MYO16: variants seen among roughly 807,000 people sequenced by gnomAD.
The protein encoded by MYO16 is unconventional myosin-XVI.
A neutral mutation model predicts 205.3 loss-of-function variants in MYO16; 94 were observed. The ratio of observed to expected loss-of-function variants is 0.46; its 90% CI spans 0.39 to 0.54. The LOEUF is 0.54. MYO16 is among the 20% of genes least tolerant of loss of function. MYO16 has a pLI of 0.00. For missense variants in MYO16, 2,315 were observed against 2,387.5 expected, an observed-to-expected ratio of 0.97 and a Z score of 0.63; for synonymous variants, 988 against 954.0, an observed-to-expected ratio of 1.04 and a Z score of -0.66.
intron 12 of MYO16, among the ~76,000 whole-genome samples, chr13:108,879,099 C>T (rs867118820): frequency 1.3e-4 from 20 of 152,198 alleles, no homozygotes; most frequent in African/African-American, 4.3e-4. Flanking sequence ...ATTATCAACA[C>T]TCCAGAAGTC....
chr13:108,963,098 C>T (rs1192912289), intron 19 of MYO16, among the ~76,000 whole-genome samples: 1 of 152,244 alleles, frequency 6.6e-6, no homozygotes, highest in East Asian at 1.9e-4. Flanking sequence ...CTCTATGCTA[C>T]ATGCATCTCT....
intron 16 of MYO16, among the ~76,000 whole-genome samples, chr13:108,913,672 A>G (rs993649742): frequency 1.3e-5 from 2 of 152,256 alleles, no homozygotes; most frequent in African/African-American, 4.8e-5. Context: ...TAAAATGCTC[A>G]ATACCATATG....
the MYO16 span, among the ~76,000 whole-genome samples, chr13:108,538,422 C>T: frequency 6.6e-6 from 1 of 151,994 alleles, no homozygotes; most frequent in Non-Finnish European, 1.5e-5. Context: ...TTATTAGTGA[C>T]TTCATCAAGA....
chr13:108,517,418 A>C, the MYO16 span, among the ~76,000 whole-genome samples: 1 of 152,228 alleles, frequency 6.6e-6, no homozygotes, highest in Non-Finnish European at 1.5e-5. Flanking sequence ...ACAAGAGGAA[A>C]TTTATTAGGG....
At chr13:108,814,600 C>T (rs373910) in intron 7 of MYO16, among the ~76,000 whole-genome samples, 3,704 of 152,218 alleles carry the variant, frequency 0.024, 145 homozygotes, top group African/African-American at 0.081. Flanking sequence ...CTTTCTTTAG[C>T]AAATGATATA....
chr13:109,035,859 C>G (rs1886698631), intron 23 of MYO16, among the ~76,000 whole-genome samples: 1 of 152,166 alleles, frequency 6.6e-6, no homozygotes. Flanking sequence ...TCCAACTTAA[C>G]TGGGGAGCAA....
At chr13:108,796,963 G>A (rs890932340) in intron 6 of MYO16, among the ~76,000 whole-genome samples, 5 of 151,886 alleles carry the variant, frequency 3.3e-5, no homozygotes, top group African/African-American at 1.2e-4. Context: ...AAAAAGAACT[G>A]ACTGAAAAGG....
In MYO16 at chr13:109,052,328, G is replaced by T. The variant is rs762837452; in HGVS notation, c.2901G>T (p.Leu967Phe). The T allele has an allele frequency of 6.8e-6, 11 of 1,612,982 alleles. No homozygotes were observed. Among genetic ancestry groups the T allele is most frequent in the Non-Finnish European group, 9.3e-6 (11 of 1,179,406 alleles). The stretch of plus-strand genomic sequence containing the variant: ...GTGAAAATGTCGTGATCAATCATTT[G>T]TTCCAGTCGAAATTGTCACAAACAG... ...KTSENVVINH[L>F]FQSKLSQTGS... The change falls in exon 25 of 35, where the codon TTG becomes TTT. Residue 967 changes from leucine (L) to phenylalanine (F), a missense_variant. This residue lies in a region of MYO16 where 1,213 missense variants were observed against 1,274.4 expected (regional missense o/e 0.95). Coordinates refer to ENST00000457511, the MANE Select transcript of MYO16 (RefSeq NM_001198950.3).
chr13:108,965,569 G>T (rs1056065207), intron 20 of MYO16, among the ~76,000 whole-genome samples: 1 of 152,008 alleles, frequency 6.6e-6, no homozygotes, highest in Non-Finnish European at 1.5e-5. Flanking sequence ...ACCACACCCG[G>T]CTAATTTTGT....
intron 31 of MYO16, among the ~76,000 whole-genome samples, chr13:109,132,277 C>A (rs1594111985): frequency 6.6e-6 from 1 of 152,186 alleles, no homozygotes; most frequent in African/African-American, 2.4e-5. Flanking sequence ...CACACTCACC[C>A]TCCCTTCAGA....
chr13:109,094,251 T>C (rs1021472573), intron 27 of MYO16, among the ~76,000 whole-genome samples: 18 of 152,208 alleles, frequency 1.2e-4, no homozygotes, highest in African/African-American at 4.3e-4. Context: ...GTTTCTGTCA[T>C]CCAGGCTGGA....
chr13:108,526,702 T>C, the MYO16 span, among the ~76,000 whole-genome samples: 3 of 152,236 alleles, frequency 2.0e-5, no homozygotes, highest in Admixed American at 6.5e-5. Flanking sequence ...TTTCCATTTA[T>C]TCCTCAACCT....
In MYO16 at chr13:109,175,704, C is replaced by T. The variant is rs575338800; in HGVS notation, c.5324-3838C>T. On this transcript the variant is annotated intron_variant, in intron 33 of 34. Coordinates refer to ENST00000457511, the MANE Select transcript of MYO16 (RefSeq NM_001198950.3). ...GCCTGGTCTGGGGAGAAGGCTGCTA[C>T]AGTAAGAGGAGCAGTGGGGGCTTCT... Among the ~76,000 whole-genome samples, 4 of 152,204 alleles carry T rather than the reference C, an allele frequency of 2.6e-5. No individual in the cohort carries two copies. The South Asian group carries it at 8.3e-4, about 32-fold the overall frequency.
At chr13:109,014,227 C>G (rs1885723530) in intron 22 of MYO16, among the ~76,000 whole-genome samples, 1 of 152,136 alleles carries the variant, frequency 6.6e-6, no homozygotes, top group Non-Finnish European at 1.5e-5. Context: ...ATAGGGAATC[C>G]TTTCCCCATT....
intron 11 of MYO16, among the ~76,000 whole-genome samples, chr13:108,862,921 C>T (rs767455585): frequency 5.3e-5 from 8 of 151,940 alleles, no homozygotes; most frequent in Non-Finnish European, 1.0e-4. Context: ...ATTAAATTTG[C>T]TTATTGGCGT....
chr13:109,164,353 TC>T (rs567268985), intron 32 of MYO16, among the ~76,000 whole-genome samples: 1,660 of 152,340 alleles, frequency 0.011, 14 homozygotes, highest in Non-Finnish European at 0.014. Flanking sequence ...TTCGTACCTC[TC>T]AAAACACTTA....
At chr13:108,832,904 T>C (rs1234951008) in intron 9 of MYO16, among the ~76,000 whole-genome samples, 5 of 152,166 alleles carry the variant, frequency 3.3e-5, no homozygotes, top group Non-Finnish European at 5.9e-5. Flanking sequence ...AACCTGTCAA[T>C]AAGTTCCTTA....
At chr13:108,578,663 C>T in the MYO16 span, among the ~76,000 whole-genome samples, 1 of 152,144 alleles carries the variant, frequency 6.6e-6, no homozygotes, top group Non-Finnish European at 1.5e-5. Flanking sequence ...GGAAAAACAA[C>T]CTGGCATCCT....
chr13:108,846,182 C>T (rs1877510393), intron 10 of MYO16, among the ~76,000 whole-genome samples: 1 of 152,070 alleles, frequency 6.6e-6, no homozygotes, highest in South Asian at 2.1e-4. Context: ...GTCTAGCACC[C>T]TCTTACTCCT....
Sources: gnomAD v4.1 joint callset for allele counts (sites outside exome capture counted in the v4.1 genomes callset) on GRCh38, gnomAD v4.1.1 for gene constraint, gnomAD v4.1.1 regional missense constraint, MANE v1.5 for transcripts, NCBI Gene and HGNC (gene_info 2026-07-23, HGNC 2026-07-21) for gene names.